The following EDIL3 variants were observed in gnomAD, a reference collection of about 807,000 sequenced individuals.
EDIL3 encodes the protein EGF-like repeat and discoidin I-like domain-containing protein 3.
EDIL3 carries 37 observed loss-of-function variants against 67.4 expected under a neutral mutation model. That is an observed-to-expected ratio of 0.55 (90% CI 0.42 to 0.72). EDIL3 has a LOEUF of 0.72. EDIL3 is among the 30% of genes least tolerant of loss of function. The pLI is 0.00. For missense variants in EDIL3, 527 were observed against 586.3 expected (o/e 0.90, Z 1.04); for synonymous variants, 195 against 196.3 (o/e 0.99, Z 0.05).
intron 9 of EDIL3, among the ~76,000 whole-genome samples, chr5:83,982,412 T>A (rs1195504038): frequency 6.6e-6 from 1 of 152,124 alleles, no homozygotes; most frequent in Non-Finnish European, 1.5e-5. Context: ...CTCTTTCTAT[T>A]TCCTCAATTA....
chr5:84,210,282 T>C (rs1744090972), intron 3 of EDIL3, among the ~76,000 whole-genome samples: 1 of 152,098 alleles, frequency 6.6e-6, no homozygotes, highest in Admixed American at 6.5e-5. Context: ...TGAAAATAAA[T>C]AAGGTTTAAT....
chr5:84,221,950 C>A (rs2112401143), intron 3 of EDIL3, among the ~76,000 whole-genome samples: 1 of 151,994 alleles, frequency 6.6e-6, no homozygotes, highest in African/African-American at 2.4e-5. Context: ...TCAGAATGCA[C>A]AACCAACCCT....
chr5:83,962,291 TCTC>T (rs1402496636), intron 10 of EDIL3, among the ~76,000 whole-genome samples: 6 of 151,532 alleles, frequency 4.0e-5, no homozygotes, highest in Non-Finnish European at 7.4e-5. Context: ...AGTGTTATAT[TCTC>T]CTCCAAATCC....
At chr5:84,198,494 A>G (rs1743762061) in intron 3 of EDIL3, among the ~76,000 whole-genome samples, 1 of 152,074 alleles carries the variant, frequency 6.6e-6, no homozygotes, top group Admixed American at 6.6e-5. Context: ...AACAAGCTTA[A>G]AAAGTCTTAA....
chr5:84,371,446 TATATAGAG>T (rs200210410), intron 1 of EDIL3, among the ~76,000 whole-genome samples: 5,828 of 86,972 alleles, frequency 0.067, 141 homozygotes, highest in South Asian at 0.18. Flanking sequence ...TATATATATA[TATATAGAG>T]AGAGAGAGAG....
intron 5 of EDIL3, among the ~76,000 whole-genome samples, chr5:84,125,850 G>A (rs1361451731): frequency 6.6e-6 from 1 of 151,726 alleles, no homozygotes; most frequent in Non-Finnish European, 1.5e-5. Flanking sequence ...CACTTTTAAG[G>A]AGACTGAAAA....
intron 1 of EDIL3, among the ~76,000 whole-genome samples, chr5:84,371,446 TATATAGAGAGAG>T (rs1346033378): frequency 0.037 from 3,230 of 87,098 alleles, 113 homozygotes; most frequent in African/African-American, 0.13. Flanking sequence ...TATATATATA[TATATAGAGAGAG>T]AGAGAGAGAG....
intron 2 of EDIL3, among the ~76,000 whole-genome samples, chr5:84,247,544 G>A (rs1561234073): frequency 6.6e-6 from 1 of 151,818 alleles, no homozygotes; most frequent in East Asian, 1.9e-4. Context: ...GTATTTTCTG[G>A]GATAAATATA....
chr5:84,191,236 C>T (rs193168054), intron 3 of EDIL3, among the ~76,000 whole-genome samples: 1 of 152,118 alleles, frequency 6.6e-6, no homozygotes, highest in East Asian at 1.9e-4. Flanking sequence ...GTTCTTTCTC[C>T]TATAATATAG....
At chr5:84,365,164 A>C (rs1747702978) in intron 1 of EDIL3, among the ~76,000 whole-genome samples, 1 of 152,028 alleles carries the variant, frequency 6.6e-6, no homozygotes, top group South Asian at 2.1e-4. Flanking sequence ...TATTTAAATA[A>C]ATTTGAACTG....
At chr5:83,955,800 T>A (rs529451686) in intron 10 of EDIL3, among the ~76,000 whole-genome samples, 1 of 151,924 alleles carries the variant, frequency 6.6e-6, no homozygotes, top group South Asian at 2.1e-4. Context: ...TGCTCTTTTG[T>A]CTTTTAACGA....
At chr5:83,958,829 C>G (rs1169475232) in intron 10 of EDIL3, among the ~76,000 whole-genome samples, 2 of 151,328 alleles carry the variant, frequency 1.3e-5, no homozygotes, top group Non-Finnish European at 3.0e-5. Flanking sequence ...ACAAATGTCA[C>G]TTTCATAAGA....
intron 9 of EDIL3, among the ~76,000 whole-genome samples, chr5:84,031,923 A>C (rs1745932023): frequency 6.6e-6 from 1 of 152,224 alleles, no homozygotes; most frequent in Non-Finnish European, 1.5e-5. Flanking sequence ...TGAAGGCTCC[A>C]TGAGCCATAA....
chr5:83,943,257 T>A lies in EDIL3; in HGVS notation c.*162A>T. ...AAATTAAATCATTGAAAAGGCAGGC[T>A]TAGACCCCCTTAAAAACACCGTTAG... On this transcript the variant is annotated 3_prime_UTR_variant, in exon 11 of 11. Coordinates refer to ENST00000296591, the MANE Select transcript of EDIL3 (RefSeq NM_005711.5). 1.2e-6 allele frequency: 1 copy of A among 828,996 alleles called. No individual in the cohort carries two copies. The highest frequency in any genetic ancestry group is 1.8e-6 in the Non-Finnish European group (1 of 541,914). The allele number at this position is 828,996 out of a possible 1,614,324, so 51.4% of individuals were successfully genotyped here. A position where few individuals can be genotyped will look rare whatever the true frequency, so the allele number is the denominator to read the frequency against.
At chr5:84,289,357 G>A (rs977217217) in intron 1 of EDIL3, among the ~76,000 whole-genome samples, 2 of 152,172 alleles carry the variant, frequency 1.3e-5, no homozygotes, top group Non-Finnish European at 2.9e-5. Context: ...AGCTGCTTGA[G>A]TTTTATATAC....
At chr5:84,143,064 T>C (rs1375518748) in intron 4 of EDIL3, among the ~76,000 whole-genome samples, 1 of 152,062 alleles carries the variant, frequency 6.6e-6, no homozygotes, top group Non-Finnish European at 1.5e-5. Context: ...TGACCTTTTA[T>C]ATTTTTCCTT....
intron 4 of EDIL3, among the ~76,000 whole-genome samples, chr5:84,153,626 C>A (rs573360140): frequency 2.6e-4 from 39 of 152,188 alleles, no homozygotes; most frequent in African/African-American, 8.9e-4. Context: ...CCATGCCCAG[C>A]TAATTTTTGT....
At chr5:84,123,382 C>T (rs1245331563) in intron 5 of EDIL3, among the ~76,000 whole-genome samples, 1 of 151,902 alleles carries the variant, frequency 6.6e-6, no homozygotes. Context: ...CATGTATGTA[C>T]ACAACAATCC....
intron 1 of EDIL3, among the ~76,000 whole-genome samples, chr5:84,301,197 G>A (rs2112130450): frequency 6.6e-6 from 1 of 152,098 alleles, no homozygotes; most frequent in East Asian, 1.9e-4. Context: ...GAACCCTGGA[G>A]GCGGAGGTTG....
Sources: allele counts gnomAD v4.1 joint callset (sites outside exome capture counted in the v4.1 genomes callset), GRCh38; gene constraint gnomAD v4.1.1; transcripts MANE v1.5; gene names NCBI Gene and HGNC (gene_info 2026-07-23, HGNC 2026-07-21).